SHANK2: variants seen among roughly 807,000 people sequenced by gnomAD.
SHANK2 encodes SH3 and multiple ankyrin repeat domains protein 2.
Under a neutral mutation model 133.7 loss-of-function variants are expected in SHANK2, and 43 were observed. That is an observed-to-expected ratio of 0.32 (90% CI 0.25 to 0.41). The LOEUF (loss-of-function observed/expected upper bound fraction) is 0.41. SHANK2 is among the 10% of genes least tolerant of loss of function. SHANK2 has a pLI of 1.00. For missense variants in SHANK2, 1,994 were observed against 2,235.8 expected (o/e 0.89, Z 2.18); for synonymous variants, 1,017 against 952.8 (o/e 1.07, Z -1.24).
chr11:71,129,030 G>A (rs61887385), intron 3 of SHANK2, among the ~76,000 whole-genome samples: 91 of 152,168 alleles, frequency 6.0e-4, no homozygotes, highest in Non-Finnish European at 9.6e-4. Flanking sequence ...TGATCCATCC[G>A]CCTCGGCCTC....
chr11:70,545,978 C>G (rs191830141), intron 17 of SHANK2, among the ~76,000 whole-genome samples: 107 of 152,286 alleles, frequency 7.0e-4, no homozygotes, highest in African/African-American at 2.5e-3. Context: ...CACCTCTGAA[C>G]AGCCCACAGG....
intron 2 of SHANK2, among the ~76,000 whole-genome samples, chr11:71,214,009 C>A (rs369906277): frequency 6.6e-6 from 1 of 152,286 alleles, no homozygotes; most frequent in African/African-American, 2.4e-5. Flanking sequence ...TGCCCTAACG[C>A]GCCCCAGGAC....
intron 17 of SHANK2, among the ~76,000 whole-genome samples, chr11:70,651,970 C>CA (rs1591706906): frequency 6.6e-6 from 1 of 152,194 alleles, no homozygotes; most frequent in East Asian, 1.9e-4. Context: ...CACAATACCC[C>CA]AAAAGGAAAG....
At chr11:70,643,349 G>C (rs1167364538) in intron 17 of SHANK2, among the ~76,000 whole-genome samples, 1 of 152,094 alleles carries the variant, frequency 6.6e-6, no homozygotes, top group African/African-American at 2.4e-5. Flanking sequence ...GGATCACGAG[G>C]TCAGGAGATC....
At position 70,468,444 on chromosome 11, in the gene SHANK2, T is replaced by G. The variant is rs1443235611; in HGVS notation, c.*4425A>C. On this transcript the variant is annotated 3_prime_UTR_variant, in exon 26 of 26. Transcript: ENST00000601538. ...ACGGGCAGTCCTGTCTGCATGCAGC[T>G]GCTGTGGTCACCCAGCCACTGTGGA... 1.3e-5 allele frequency: 2 copies of G among 152,230 alleles called. No homozygotes were observed. Among genetic ancestry groups the G allele is most frequent in the Non-Finnish European group, 2.9e-5 (2 of 68,040 alleles). 9.4% of individuals were successfully genotyped at this position (152,230 alleles called of 1,614,324 possible).
intron 17 of SHANK2, among the ~76,000 whole-genome samples, chr11:70,543,537 G>T (rs782319718): frequency 6.6e-6 from 1 of 152,236 alleles, no homozygotes; most frequent in Non-Finnish European, 1.5e-5. Context: ...TTTCTGAATA[G>T]ATGAACACGT....
intron 17 of SHANK2, among the ~76,000 whole-genome samples, chr11:70,556,701 C>T (rs1469063587): frequency 6.6e-6 from 1 of 151,508 alleles, no homozygotes; most frequent in African/African-American, 2.4e-5. Context: ...AAGTAATTCT[C>T]CTGCCTCAGC....
At chr11:71,086,540 ATATAT>A (rs1951422611) in intron 8 of SHANK2, among the ~76,000 whole-genome samples, 2 of 143,010 alleles carry the variant, frequency 1.4e-5, no homozygotes, top group Non-Finnish European at 3.0e-5. Context: ...ATATATATAA[ATATAT>A]TATATATAAT....
chr11:71,127,272 C>G (rs1231969697), intron 3 of SHANK2, among the ~76,000 whole-genome samples: 3 of 152,122 alleles, frequency 2.0e-5, no homozygotes, highest in African/African-American at 7.2e-5. Flanking sequence ...GCAATCTACT[C>G]CTGGTGAAGA....
chr11:70,517,961 G>T (rs550915905), intron 17 of SHANK2, among the ~76,000 whole-genome samples: 2 of 152,200 alleles, frequency 1.3e-5, no homozygotes, highest in African/African-American at 4.8e-5. Context: ...AGAGATATAA[G>T]GGGGTATGTG....
intron 17 of SHANK2, among the ~76,000 whole-genome samples, chr11:70,636,739 T>C (rs1405131611): frequency 2.1e-4 from 5 of 23,930 alleles, no homozygotes; most frequent in Non-Finnish European, 5.1e-4. Context: ...TGTGTGAATA[T>C]GTGTGAGCAT....
At chr11:71,218,719 G>A (rs2135719912) in intron 2 of SHANK2, among the ~76,000 whole-genome samples, 1 of 152,216 alleles carries the variant, frequency 6.6e-6, no homozygotes, top group South Asian at 2.1e-4. Flanking sequence ...CTCTCGATGG[G>A]AAAGACTCAC....
At chr11:71,171,103 G>A (rs1953304942) in intron 2 of SHANK2, among the ~76,000 whole-genome samples, 1 of 152,206 alleles carries the variant, frequency 6.6e-6, no homozygotes, top group Non-Finnish European at 1.5e-5. Flanking sequence ...CACACGCGGG[G>A]ACAGAGTGAG....
chr11:71,239,467 T>A (rs191950613), intron 1 of SHANK2, among the ~76,000 whole-genome samples: 2,886 of 148,530 alleles, frequency 0.019, 72 homozygotes, highest in African/African-American at 0.059. Context: ...GGTAAAAAAA[T>A]TTTTTTTTTT....
At chr11:70,502,759 G>T in intron 18 of SHANK2, 37 bp downstream of exon 18, 2 of 926,896 alleles carry the variant, frequency 2.2e-6, no homozygotes, top group Non-Finnish European at 2.8e-6. Flanking sequence ...CCCCCAGTAG[G>T]GCCCCAGGCT....
At chr11:70,736,559 C>G (rs1325467596) in intron 14 of SHANK2, among the ~76,000 whole-genome samples, 1 of 152,308 alleles carries the variant, frequency 6.6e-6, no homozygotes, top group East Asian at 1.9e-4. Flanking sequence ...CGATGAATGC[C>G]TGGAGCCACC....
At chr11:71,191,751 G>A (rs904964684) in intron 2 of SHANK2, among the ~76,000 whole-genome samples, 2 of 152,104 alleles carry the variant, frequency 1.3e-5, no homozygotes, top group Non-Finnish European at 2.9e-5. Flanking sequence ...TAGAGACGGA[G>A]TTTCACCATG....
chr11:71,190,070 T>C (rs1953761042), intron 2 of SHANK2, among the ~76,000 whole-genome samples: 2 of 152,162 alleles, frequency 1.3e-5, no homozygotes, highest in Admixed American at 6.5e-5. Context: ...CATCCACACG[T>C]AGGTCGACCA....
chr11:70,828,140 C>T (rs1429282625), intron 11 of SHANK2, among the ~76,000 whole-genome samples: 2 of 152,098 alleles, frequency 1.3e-5, no homozygotes, highest in Non-Finnish European at 2.9e-5. Context: ...AAACATTAGC[C>T]GGGTGTGGTC....
Sources: gnomAD v4.1 joint callset for allele counts (sites outside exome capture counted in the v4.1 genomes callset) on GRCh38, gnomAD v4.1.1 for gene constraint, MANE v1.5 for transcripts, NCBI Gene and HGNC (gene_info 2026-07-23, HGNC 2026-07-21) for gene names.